LTBP1: variants seen among roughly 807,000 people sequenced by gnomAD.
The protein encoded by LTBP1 is latent-transforming growth factor beta-binding protein 1.
A neutral mutation model predicts 207.6 loss-of-function variants in LTBP1; 129 were observed. That is an observed-to-expected ratio of 0.62 (90% CI 0.54 to 0.72). LTBP1 has a LOEUF of 0.72. LTBP1 is among the 30% of genes least tolerant of loss of function. The pLI, the probability that LTBP1 is intolerant of heterozygous loss-of-function variation, is 0.00. For missense variants in LTBP1, 2,281 were observed against 2,217.2 expected (o/e 1.03, Z -0.58); for synonymous variants, 963 against 833.7 (o/e 1.16, Z -2.67).
At chr2:33,010,132 C>A (rs1242236559) in intron 2 of LTBP1, among the ~76,000 whole-genome samples, 1 of 152,120 alleles carries the variant, frequency 6.6e-6, no homozygotes, top group African/African-American at 2.4e-5. Flanking sequence ...GAGGAGGGAC[C>A]AGGCCTCTGT....
intron 2 of LTBP1, among the ~76,000 whole-genome samples, chr2:32,957,179 A>G (rs565317893): frequency 1.2e-4 from 18 of 152,334 alleles, no homozygotes; most frequent in Non-Finnish European, 2.2e-4. Context: ...TCCTAAAAGG[A>G]GAGTCAGCCC....
intron 31 of LTBP1, among the ~76,000 whole-genome samples, chr2:33,369,459 G>A (rs1322400075): frequency 6.6e-6 from 1 of 152,180 alleles, no homozygotes; most frequent in Admixed American, 6.5e-5. Context: ...GGCTCTTGAG[G>A]CCCCTGTGAA....
intron 19 of LTBP1, among the ~76,000 whole-genome samples, chr2:33,283,174 T>A (rs2093595258): frequency 6.6e-6 from 1 of 151,536 alleles, no homozygotes; most frequent in African/African-American, 2.4e-5. Flanking sequence ...CATAAGCAAG[T>A]ACAATATATA....
chr2:33,020,119 A>G (rs554011323), intron 2 of LTBP1, among the ~76,000 whole-genome samples: 5 of 152,272 alleles, frequency 3.3e-5, no homozygotes, highest in African/African-American at 1.2e-4. Context: ...GCCTTTCATT[A>G]TTAAATTCGG....
intron 3 of LTBP1, among the ~76,000 whole-genome samples, chr2:33,107,755 G>T (rs1322976007): frequency 1.3e-5 from 2 of 152,130 alleles, no homozygotes; most frequent in Non-Finnish European, 2.9e-5. Flanking sequence ...TTGGAGGAAG[G>T]GGAAATATAT....
chr2:33,219,845 C>A (rs899517978), intron 8 of LTBP1, among the ~76,000 whole-genome samples: 2 of 151,990 alleles, frequency 1.3e-5, no homozygotes, highest in African/African-American at 4.8e-5. Context: ...TAAAGAGATT[C>A]CTACTGTCCT....
intron 3 of LTBP1, among the ~76,000 whole-genome samples, chr2:33,097,770 A>G (rs908663623): frequency 6.6e-6 from 1 of 152,176 alleles, no homozygotes; most frequent in Admixed American, 6.6e-5. Context: ...AATACAGCAT[A>G]GAAGTTCCTC....
At chr2:33,223,012 A>G (rs777528826) in intron 9 of LTBP1, among the ~76,000 whole-genome samples, 1 of 152,208 alleles carries the variant, frequency 6.6e-6, no homozygotes, top group Non-Finnish European at 1.5e-5. Flanking sequence ...ACCAAAAGCC[A>G]TGTTGAGAAC....
intron 24 of LTBP1, among the ~76,000 whole-genome samples, chr2:33,315,878 C>A (rs2094263437): frequency 1.3e-5 from 2 of 151,936 alleles, no homozygotes; most frequent in South Asian, 4.2e-4. Flanking sequence ...CAGAGGCTGC[C>A]GTGAGCCGAG....
intron 2 of LTBP1, among the ~76,000 whole-genome samples, chr2:33,009,746 A>T (rs375083118): frequency 2.6e-5 from 4 of 152,188 alleles, no homozygotes; most frequent in Admixed American, 6.5e-5. Context: ...CTTGGTGAGC[A>T]ACCTTGTGAA....
At position 33,132,196 on chromosome 2, in the gene LTBP1, A is replaced by C. The variant is rs528339691; in HGVS notation, c.1034-2597A>C. Among the ~76,000 whole-genome samples, 328 of 152,354 alleles carry C rather than the reference A, an allele frequency of 2.2e-3. 3 individuals carry two copies. The highest frequency in any genetic ancestry group is 4.3e-3 in the Non-Finnish European group (292 of 68,028). On this transcript the variant is annotated intron_variant, in intron 4 of 33. Transcript: ENST00000404816. ...GGGTTTCACACACTTGAACACACAA[A>C]GTATCCTCAAGATATTTGTAAGCAT...
At chr2:33,277,525 A>G (rs1405330185) in intron 18 of LTBP1, among the ~76,000 whole-genome samples, 4 of 152,112 alleles carry the variant, frequency 2.6e-5, no homozygotes, top group Non-Finnish European at 4.4e-5. Flanking sequence ...TCATGAAAAT[A>G]ACTTCATGTT....
chr2:33,226,231 T>A (rs182261506), intron 9 of LTBP1, among the ~76,000 whole-genome samples: 42 of 152,312 alleles, frequency 2.8e-4, no homozygotes, highest in Non-Finnish European at 5.6e-4. Context: ...AGTCTGTGTT[T>A]TTTTACCTTT....
At chr2:33,229,026 C>G (rs1369953696) in intron 9 of LTBP1, among the ~76,000 whole-genome samples, 3 of 152,024 alleles carry the variant, frequency 2.0e-5, no homozygotes, top group Non-Finnish European at 4.4e-5. Flanking sequence ...CTCATACCAC[C>G]TATGGCCACC....
chr2:33,218,892 G>T (rs534481898), intron 8 of LTBP1, among the ~76,000 whole-genome samples: 1 of 152,084 alleles, frequency 6.6e-6, no homozygotes, highest in Admixed American at 6.5e-5. Context: ...AATAATTTTT[G>T]TTTACTCCTC....
chr2:33,093,608 A>G (rs2079225400), intron 3 of LTBP1, among the ~76,000 whole-genome samples: 1 of 152,216 alleles, frequency 6.6e-6, no homozygotes, highest in Non-Finnish European at 1.5e-5. Context: ...GGCAATGAAT[A>G]TAACATATGT....
At chr2:33,215,029 GATTGACAGGAC>G (rs909136215) in intron 7 of LTBP1, among the ~76,000 whole-genome samples, 1 of 151,530 alleles carries the variant, frequency 6.6e-6, no homozygotes, top group African/African-American at 2.4e-5. Flanking sequence ...TAACCTGTTT[GATTGACAGGAC>G]CGTTTACAAT....
chr2:33,343,071 T>C (rs1484156342), intron 25 of LTBP1, 108 bp downstream of exon 25: 13 of 1,249,756 alleles, frequency 1.0e-5, no homozygotes, highest in Non-Finnish European at 1.4e-5. Context: ...AGCTTTATCG[T>C]AATTTGATTT....
chr2:33,060,066 T>G (rs1468811409), intron 3 of LTBP1, among the ~76,000 whole-genome samples: 1 of 152,244 alleles, frequency 6.6e-6, no homozygotes, highest in Non-Finnish European at 1.5e-5. Context: ...GCTTGTCTCT[T>G]GGAGGCTGAC....
Sources: allele counts gnomAD v4.1 joint callset (sites outside exome capture counted in the v4.1 genomes callset), GRCh38; gene constraint gnomAD v4.1.1; transcripts MANE v1.5; gene names NCBI Gene and HGNC (gene_info 2026-07-23, HGNC 2026-07-21).